The following CPAMD8 variants were observed in gnomAD, a reference collection of about 807,000 sequenced individuals.
CPAMD8 encodes the protein C3 and PZP-like alpha-2-macroglobulin domain-containing protein 8.
CPAMD8 carries 146 observed loss-of-function variants against 224.7 expected under a neutral mutation model. The ratio of observed to expected loss-of-function variants is 0.65; its 90% CI spans 0.57 to 0.75. The LOEUF (loss-of-function observed/expected upper bound fraction) is 0.75. CPAMD8 is among the 30% of genes least tolerant of loss of function. The pLI, the probability that CPAMD8 is intolerant of heterozygous loss-of-function variation, is 0.00. For missense variants in CPAMD8, 2,301 were observed against 2,537.5 expected, an observed-to-expected ratio of 0.91 and a Z score of 2.00; for synonymous variants, 966 against 1,044.6, an observed-to-expected ratio of 0.92 and a Z score of 1.45.
At chr19:17,016,723 G>A (rs904394675) in intron 3 of CPAMD8, among the ~76,000 whole-genome samples, 45 of 152,050 alleles carry the variant, frequency 3.0e-4, no homozygotes, top group Non-Finnish European at 2.9e-5. Flanking sequence ...TCGTGCCACT[G>A]CACTCCACCC....
At chr19:16,933,516 T>C (rs1420440011) in intron 23 of CPAMD8, among the ~76,000 whole-genome samples, 1 of 152,000 alleles carries the variant, frequency 6.6e-6, no homozygotes, top group Admixed American at 6.6e-5. Flanking sequence ...TTTGAACAGG[T>C]TAAAAGATTG....
chr19:16,911,155 G>C (rs1371732741), intron 29 of CPAMD8, among the ~76,000 whole-genome samples: 1 of 152,164 alleles, frequency 6.6e-6, no homozygotes, highest in Non-Finnish European at 1.5e-5. Flanking sequence ...TTGGTGGCCT[G>C]TTAGGAAGGG....
intron 27 of CPAMD8, among the ~76,000 whole-genome samples, chr19:16,921,424 G>T (rs1252538770): frequency 2.6e-5 from 4 of 151,910 alleles, no homozygotes; most frequent in Non-Finnish European, 5.9e-5. Context: ...ACCCAGGTGT[G>T]CCCGGCCTCC....
At chr19:16,987,969 C>T (rs2055806077) in intron 13 of CPAMD8, among the ~76,000 whole-genome samples, 1 of 152,098 alleles carries the variant, frequency 6.6e-6, no homozygotes, top group Non-Finnish European at 1.5e-5. Flanking sequence ...CGGTCGGGAA[C>T]TCTACTTTTT....
intron 18 of CPAMD8, among the ~76,000 whole-genome samples, chr19:16,962,799 C>T (rs2122532989): frequency 6.8e-6 from 1 of 146,724 alleles, no homozygotes; most frequent in South Asian, 2.2e-4. Flanking sequence ...AGAGAAAGGT[C>T]GGGTTAACCA....
In CPAMD8 at chr19:16,897,686, C is replaced by A; in HGVS notation, c.5065+5G>T. The A allele has an allele frequency of 1.3e-6, 2 of 1,494,118 alleles. No homozygotes were observed. The highest frequency in any genetic ancestry group is 2.4e-4 in the Middle Eastern group (1 of 4,208). The allele number at this position is 1,494,118 out of a possible 1,614,324, so 92.6% of individuals were successfully genotyped here. ...TGGGGGGCGGCAGTGGCTCCGCGCA[C>A]TCACCCGGGCCCCGGGCAGGGGCGC... On this transcript the variant is annotated splice_donor_5th_base_variant and intron_variant, in intron 39 of 41. Transcript: ENST00000443236.
Position 16,898,435 on chromosome 19 carries a change from A to G in CPAMD8, c.4849-441T>C, listed in dbSNP as rs112735469. Among the ~76,000 whole-genome samples, 45 of 152,214 alleles carry G rather than the reference A, an allele frequency of 3.0e-4. No homozygotes were observed. The highest frequency in any genetic ancestry group is 1.1e-3 in the African/African-American group (45 of 41,536). On this transcript the variant is annotated intron_variant, in intron 37 of 41. Transcript: ENST00000443236. This position sits in a 1 kb window ranked among gnomAD's most constrained non-coding sequence, Gnocchi z 4.2. ...CTTTGGGTCCTTCCATCCCACTGGG[A>G]AAACGTCTCAGGTGGCCTCTGAAAC...
At position 16,925,237 on chromosome 19, in the gene CPAMD8, C is replaced by T. The variant is rs375724765; in HGVS notation, c.3506G>A (p.Ser1169Asn). 12 of 1,614,122 alleles carry T rather than the reference C, an allele frequency of 7.4e-6. No homozygotes were observed. The African/African-American group carries it at 1.5e-4, about 20-fold the overall frequency. ...GGTGGTCTCTCTCTCCACCTCAGGG[C>T]TGAGCTGCTGGGTTTTCTGAAGATA... is the stretch of plus-strand genomic sequence containing the variant. ...LKYLQKTQQL[S>N]PEVERETTDY... is the part of the protein sequence containing the mutation. The change falls in exon 26 of 42, where the codon AGC (serine) becomes AAC (asparagine). Residue 1169 changes from serine to asparagine, a missense_variant. Physicochemically the swap from Ser to Asn is conservative, Grantham distance 46. Transcript: ENST00000443236.
At chr19:16,918,438 A>T (rs1306342116) in intron 27 of CPAMD8, among the ~76,000 whole-genome samples, 10 of 103,798 alleles carry the variant, frequency 9.6e-5, no homozygotes, top group South Asian at 3.1e-4. Context: ...TGGAATTTTT[A>T]AAACTTTTTT....
At chr19:16,896,415 C>G in intron 40 of CPAMD8, 41 bp downstream of exon 40, 1 of 1,484,248 alleles carries the variant, frequency 6.7e-7, no homozygotes, top group Non-Finnish European at 9.0e-7. Flanking sequence ...AGAGCAGCAG[C>G]GATGGTGTCC....
At chr19:17,001,593 C>G (rs59417184) in intron 9 of CPAMD8, among the ~76,000 whole-genome samples, 1 of 151,420 alleles carries the variant, frequency 6.6e-6, no homozygotes, top group African/African-American at 2.4e-5. Context: ...GAGACAGGGG[C>G]GTGCTCATAG....
chr19:17,007,274 C>G (rs2056517423), intron 7 of CPAMD8, among the ~76,000 whole-genome samples: 1 of 151,518 alleles, frequency 6.6e-6, no homozygotes, highest in African/African-American at 2.4e-5. Context: ...GCGGAGGTGG[C>G]AGTGAGCCGA....
intron 26 of CPAMD8, among the ~76,000 whole-genome samples, chr19:16,922,672 G>T (rs1352161954): frequency 1.3e-5 from 2 of 150,220 alleles, no homozygotes; most frequent in Non-Finnish European, 1.5e-5. Flanking sequence ...TACATCTGAG[G>T]TCCCTGGAAC....
intron 32 of CPAMD8, 50 bp downstream of exon 32, chr19:16,904,176 A>AGGGCCCCCC: frequency 3.2e-6 from 3 of 937,336 alleles, no homozygotes; most frequent in Non-Finnish European, 5.0e-6. Flanking sequence ...GACTGCAGGG[A>AGGGCCCCCC]CCCCACCCAC....
chr19:16,957,675 G>A, intron 19 of CPAMD8, 178 bp downstream of exon 19: 1 of 656,080 alleles, frequency 1.5e-6, no homozygotes, highest in South Asian at 1.9e-5. Context: ...GTCCAAATGT[G>A]CAGCGGGACT....
intron 5 of CPAMD8, chr19:17,009,631 G>A (rs1357691278): frequency 6.0e-5 from 14 of 232,656 alleles, no homozygotes; most frequent in East Asian, 9.2e-5. Context: ...AAAATTAGCC[G>A]GGCATGGTCG....
Position 17,020,424 on chromosome 19 carries a change from T to A in CPAMD8, c.245-71A>T, listed in dbSNP as rs560554966. On this transcript the variant is annotated intron_variant, in intron 2 of 41. Coordinates refer to ENST00000443236, the MANE Select transcript of CPAMD8 (RefSeq NM_015692.5). The stretch of plus-strand genomic sequence containing the variant: ...TGCCCTGCCTCCCTGAGCTGCAGCC[T>A]CACAAACCACAAACTTTCTTAACCC... 1.4e-5 allele frequency: 16 copies of A among 1,117,450 alleles called. No individual in the cohort carries two copies. In the East Asian group the frequency reaches 3.6e-4, roughly 25 times the overall value. The allele number at this position is 1,117,450 out of a possible 1,614,324, so 69.2% of individuals were successfully genotyped here.
Position 16,952,118 on chromosome 19 carries a change from T to C in CPAMD8, c.2359A>G (p.Thr787Ala), listed in dbSNP as rs1286923427. Residue 787 changes from threonine (T) to alanine (A), a missense_variant, in exon 20 of 42, where the codon ACC becomes GCC. Physicochemically the swap from Thr to Ala is moderately conservative, Grantham distance 58 (BLOSUM62 0). This residue lies in a region of CPAMD8 where 1,709 missense variants were observed against 1,753.2 expected (regional missense o/e 0.97). Coordinates refer to ENST00000443236, the MANE Select transcript of CPAMD8 (RefSeq NM_015692.5). ...TCGGCGATGCCTAAGCCCTGAGAGG[T>C]GGACAGGGCCACGGCCTCACCCACC... ...SWVGEAVALS[T>A]SQGLGIAEPS... 1 of 1,552,808 alleles carries C rather than the reference T, an allele frequency of 6.4e-7. No homozygotes were observed. The highest frequency in any genetic ancestry group is 2.4e-5 in the East Asian group (1 of 41,054).
At chr19:16,971,282 G>C (rs532671525) in intron 17 of CPAMD8, among the ~76,000 whole-genome samples, 1 of 152,230 alleles carries the variant, frequency 6.6e-6, no homozygotes, top group East Asian at 1.9e-4. Context: ...CTCACTGGAA[G>C]CTCCACCTCC....
Sources: allele counts gnomAD v4.1 joint callset (sites outside exome capture counted in the v4.1 genomes callset), GRCh38; gene constraint gnomAD v4.1.1; regional missense constraint gnomAD v4.1.1; non-coding constraint Gnocchi (gnomAD v3.1); transcripts MANE v1.5; gene names NCBI Gene and HGNC (gene_info 2026-07-23, HGNC 2026-07-21).